The following OSBPL10 variants were observed in gnomAD, a reference collection of about 807,000 sequenced individuals.
OSBPL10 encodes oxysterol-binding protein-related protein 10.
A neutral mutation model predicts 81.7 loss-of-function variants in OSBPL10; 49 were observed. The ratio of observed to expected loss-of-function variants is 0.60; its 90% CI spans 0.48 to 0.76. OSBPL10 has a LOEUF of 0.76. OSBPL10 is among the 30% of genes least tolerant of loss of function. OSBPL10 has a pLI of 0.00. For synonymous variants in OSBPL10, 419 were observed against 383.6 expected (o/e 1.09, Z -1.08); for missense variants, 923 against 987.8 (o/e 0.93, Z 0.88).
chr3:31,678,586 T>C (rs753175771), intron 8 of OSBPL10, among the ~76,000 whole-genome samples: 3 of 152,166 alleles, frequency 2.0e-5, no homozygotes, highest in Non-Finnish European at 4.4e-5. Flanking sequence ...TTTTCGAACA[T>C]TTCCACATAT....
chr3:31,716,174 G>A (rs1696426620), intron 6 of OSBPL10, among the ~76,000 whole-genome samples: 1 of 152,190 alleles, frequency 6.6e-6, no homozygotes, highest in Admixed American at 6.5e-5. Context: ...GCAGGGCAGA[G>A]ACCAGTATTT....
intron 7 of OSBPL10, among the ~76,000 whole-genome samples, chr3:31,695,115 G>A (rs954950043): frequency 2.0e-5 from 3 of 152,166 alleles, no homozygotes; most frequent in Admixed American, 2.0e-4. Flanking sequence ...CTTTAGGTTA[G>A]GGACCTCACC....
At chr3:31,785,804 A>C (rs1016758914) in intron 4 of OSBPL10, among the ~76,000 whole-genome samples, 2 of 152,188 alleles carry the variant, frequency 1.3e-5, no homozygotes, top group Non-Finnish European at 2.9e-5. Flanking sequence ...CCCAAACTAA[A>C]GTCCTAGCCT....
chr3:31,671,528 G>A (rs1700323418), intron 8 of OSBPL10, among the ~76,000 whole-genome samples: 1 of 152,122 alleles, frequency 6.6e-6, no homozygotes, highest in Non-Finnish European at 1.5e-5. Flanking sequence ...TAAACTTCTA[G>A]GAAGAGTTCT....
chr3:31,788,442 C>T (rs925055148), intron 4 of OSBPL10, among the ~76,000 whole-genome samples: 2 of 152,082 alleles, frequency 1.3e-5, no homozygotes, highest in Admixed American at 1.3e-4. Flanking sequence ...GACAGGTAAG[C>T]ATATAATTCT....
chr3:31,998,007 G>C (rs1368853079), intron 2 of OSBPL10, among the ~76,000 whole-genome samples: 1 of 151,980 alleles, frequency 6.6e-6, no homozygotes, highest in African/African-American at 2.4e-5. Flanking sequence ...TGCCCAGACT[G>C]GTCTCAGACT....
intron 6 of OSBPL10, among the ~76,000 whole-genome samples, chr3:31,731,697 C>G (rs748519579): frequency 6.6e-5 from 10 of 152,152 alleles, no homozygotes; most frequent in Non-Finnish European, 1.0e-4. Context: ...CCATGTTGGT[C>G]AGGCTGGTCT....
chr3:31,666,026 A>C lies in OSBPL10; in HGVS notation c.2097-1794T>G, dbSNP rs376718867. ...AGCAGGGAGGAGAATGGAGTGGAGGAGGCTCTGAACACCATGCTAAAAGAA... is the reference window on the plus strand; with the variant it reads ...AGCAGGGAGGAGAATGGAGTGGAGGCGGCTCTGAACACCATGCTAAAAGAA... On this transcript the variant is annotated intron_variant, in intron 10 of 11. Coordinates refer to ENST00000396556, the MANE Select transcript of OSBPL10 (RefSeq NM_017784.5). Among the ~76,000 whole-genome samples, 73 of 152,206 alleles carry C rather than the reference A, an allele frequency of 4.8e-4. 2 individuals carry two copies. The South Asian group carries it at 7.7e-3, about 16-fold the overall frequency.
intron 1 of OSBPL10, among the ~76,000 whole-genome samples, chr3:31,957,875 G>A (rs899552258): frequency 3.9e-5 from 6 of 152,114 alleles, no homozygotes; most frequent in African/African-American, 7.2e-5. Context: ...CCCTGACCTC[G>A]TGATCTGCCC....
chr3:32,022,475 T>C (rs1221582413), intron 2 of OSBPL10, among the ~76,000 whole-genome samples: 1 of 152,116 alleles, frequency 6.6e-6, no homozygotes, highest in Non-Finnish European at 1.5e-5. Flanking sequence ...CCATAGGTCA[T>C]AGGTGGATTC....
chr3:31,685,835 G>A (rs1462061778), intron 7 of OSBPL10, among the ~76,000 whole-genome samples: 1 of 152,186 alleles, frequency 6.6e-6, no homozygotes, highest in East Asian at 1.9e-4. Context: ...TGGATGTGAT[G>A]GAAGGGAGAA....
intron 3 of OSBPL10, among the ~76,000 whole-genome samples, chr3:31,867,856 G>A (rs1025180226): frequency 6.6e-6 from 1 of 152,094 alleles, no homozygotes; most frequent in Non-Finnish European, 1.5e-5. Context: ...CTGGAAGGAA[G>A]ATAAAACACA....
At chr3:31,766,432 T>C (rs1698202659) in intron 4 of OSBPL10, among the ~76,000 whole-genome samples, 1 of 145,862 alleles carries the variant, frequency 6.9e-6, no homozygotes, top group East Asian at 2.2e-4. Context: ...AGACTCAACC[T>C]CCAGGACTCA....
intron 1 of OSBPL10, among the ~76,000 whole-genome samples, chr3:31,916,958 T>C (rs908035782): frequency 6.6e-6 from 1 of 152,226 alleles, no homozygotes; most frequent in Non-Finnish European, 1.5e-5. Context: ...ATATATCTCT[T>C]TTGTTCTAAT....
At chr3:31,807,988 CAG>C (rs1402890799) in intron 4 of OSBPL10, among the ~76,000 whole-genome samples, 1 of 152,112 alleles carries the variant, frequency 6.6e-6, no homozygotes, top group African/African-American at 2.4e-5. Flanking sequence ...TAAAGAATAA[CAG>C]AGAATTCAGG....
chr3:31,965,196 C>T (rs1256485757), intron 1 of OSBPL10, among the ~76,000 whole-genome samples: 4 of 150,798 alleles, frequency 2.7e-5, no homozygotes, highest in Non-Finnish European at 4.4e-5. Flanking sequence ...GGTGAAATCC[C>T]GTCTCTACTA....
chr3:31,700,295 A>T (rs1235559421), intron 7 of OSBPL10: 1 of 152,242 alleles, frequency 6.6e-6, no homozygotes, highest in Non-Finnish European at 1.5e-5. Flanking sequence ...AATAAATATG[A>T]AATGCACAGT....
chr3:32,018,323 G>A (rs1189661162), intron 2 of OSBPL10, among the ~76,000 whole-genome samples: 2 of 152,060 alleles, frequency 1.3e-5, no homozygotes, highest in Admixed American at 6.6e-5. Flanking sequence ...ACGAGATGTG[G>A]GAACAAAGCT....
chr3:31,775,618 G>A (rs1173451254), intron 4 of OSBPL10, among the ~76,000 whole-genome samples: 1 of 152,108 alleles, frequency 6.6e-6, no homozygotes, highest in Non-Finnish European at 1.5e-5. Flanking sequence ...AATTATGATA[G>A]GGCACTGCTG....
Sources: allele counts gnomAD v4.1 joint callset (sites outside exome capture counted in the v4.1 genomes callset), GRCh38; gene constraint gnomAD v4.1.1; transcripts MANE v1.5; gene names NCBI Gene and HGNC (gene_info 2026-07-23, HGNC 2026-07-21).